The following ATXN1 variants were observed in gnomAD, a reference collection of about 807,000 sequenced individuals.
ATXN1 encodes ataxin-1.
ATXN1 carries 8 observed loss-of-function variants against 56.4 expected under a neutral mutation model. The ratio of observed to expected loss-of-function variants is 0.14; its 90% CI spans 0.08 to 0.26. The LOEUF is 0.26. ATXN1 is among the 10% of genes least tolerant of loss of function. The pLI is 1.00. For synonymous variants in ATXN1, 514 were observed against 494.6 expected, an observed-to-expected ratio of 1.04 and a Z score of -0.52; for missense variants, 987 against 1,106.5, an observed-to-expected ratio of 0.89 and a Z score of 1.53.
chr6:16,444,557 G>C (rs1383243089), intron 6 of ATXN1, among the ~76,000 whole-genome samples: 1 of 152,150 alleles, frequency 6.6e-6, no homozygotes, highest in Non-Finnish European at 1.5e-5. Flanking sequence ...AAAACACAGT[G>C]ACTTGGTTTG....
At chr6:16,716,510 T>C (rs1355764290) in intron 2 of ATXN1, among the ~76,000 whole-genome samples, 1 of 152,200 alleles carries the variant, frequency 6.6e-6, no homozygotes, top group African/African-American at 2.4e-5. Context: ...CAAGTCACAT[T>C]CCCTCTCTGA....
chr6:16,617,462 C>T (rs2113797167), intron 3 of ATXN1, among the ~76,000 whole-genome samples: 1 of 151,690 alleles, frequency 6.6e-6, no homozygotes, highest in East Asian at 1.9e-4. Context: ...ATATTAAAAT[C>T]TTCTAAACTC....
chr6:16,381,019 C>T (rs149994525), intron 6 of ATXN1, among the ~76,000 whole-genome samples: 2 of 152,186 alleles, frequency 1.3e-5, no homozygotes, highest in Non-Finnish European at 2.9e-5. Flanking sequence ...GGGCTGGGCG[C>T]GGTGGCTCAC....
At chr6:16,526,714 G>C (rs985917065) in intron 4 of ATXN1, among the ~76,000 whole-genome samples, 1 of 146,458 alleles carries the variant, frequency 6.8e-6, no homozygotes, top group Non-Finnish European at 1.5e-5. Flanking sequence ...GCAGTGAGTC[G>C]AGAATGCACC....
rs1456631594 is a variant in ATXN1, at chr6:16,327,353, C to A, written c.958G>T (p.Ala320Ser). 6.2e-7 allele frequency: 1 copy of A among 1,613,468 alleles called. No homozygotes were observed. Among genetic ancestry groups the A allele is most frequent in the Admixed American group, 1.7e-5 (1 of 60,032 alleles). The change falls in exon 7 of 8, where the codon GCC (alanine) becomes TCC (serine). Residue 320 changes from alanine (A) to serine (S), a missense_variant. Physicochemically the swap from Ala to Ser is moderately conservative, Grantham distance 99 (BLOSUM62 1). Transcript: ENST00000436367. Reference sequence around the variant, plus strand: ...ATCTCACCGTTCAGGACCTCCTTGGCCTGGATGGCCTGCTGCAGCCGGCTG... The same window carrying A: ...ATCTCACCGTTCAGGACCTCCTTGGACTGGATGGCCTGCTGCAGCCGGCTG... ...ESSRLQQAIQAKEVLNGEMEK... is the reference protein window; with the variant it reads ...ESSRLQQAIQSKEVLNGEMEK...
chr6:16,428,320 T>C (rs1338747911), intron 6 of ATXN1, among the ~76,000 whole-genome samples: 3 of 151,944 alleles, frequency 2.0e-5, no homozygotes, highest in Admixed American at 6.6e-5. Flanking sequence ...GGTTTCACCA[T>C]GTTGGCCAGG....
At position 16,522,650 on chromosome 6, in the gene ATXN1, TC is replaced by T. The variant is rs1761315878; in HGVS notation, c.-323del. On this transcript the variant is annotated 5_prime_UTR_variant, in exon 5 of 8. It removes the in-frame stop codon of an upstream open reading frame in the 5' UTR. Transcript: ENST00000436367. ...ACCCTATGAAAACAGCACGTCGATT[TC>T]TTTCTCACGAAGAAAATGGTCTAAT... 1 of 152,178 alleles carries T rather than the reference TC, an allele frequency of 6.6e-6. No homozygotes were observed. The highest frequency in any genetic ancestry group is 1.5e-5 in the Non-Finnish European group (1 of 68,020). 9.4% of individuals were successfully genotyped at this position (152,178 alleles called of 1,614,324 possible).
chr6:16,362,660 A>G (rs926511523), intron 6 of ATXN1, among the ~76,000 whole-genome samples: 62 of 152,182 alleles, frequency 4.1e-4, no homozygotes, highest in Non-Finnish European at 5.3e-4. Context: ...ACACTTTCGG[A>G]GCCTGTAAGT....
chr6:16,605,470 C>G (rs1382309029), intron 3 of ATXN1, among the ~76,000 whole-genome samples: 1 of 152,162 alleles, frequency 6.6e-6, no homozygotes, highest in African/African-American at 2.4e-5. Context: ...TTCTTAAGAT[C>G]CTCTGCACTT....
chr6:16,375,575 A>G (rs527608518), intron 6 of ATXN1, among the ~76,000 whole-genome samples: 4 of 152,252 alleles, frequency 2.6e-5, no homozygotes, highest in Non-Finnish European at 5.9e-5. Flanking sequence ...CCTTTATTAA[A>G]TTTTGGAACA....
In ATXN1 at chr6:16,686,453, C is replaced by T. The variant is rs188871798; in HGVS notation, c.-614-28552G>A. Among the ~76,000 whole-genome samples the T allele has an allele frequency of 1.1e-4, 17 of 152,152 alleles. No individual in the cohort carries two copies. In the South Asian group the frequency reaches 2.7e-3, roughly 24 times the overall value. ...TATTCCACGAGACAGCCAGGCTTCCCGTTGTGTAATTATTCACCTCATAGT... is the reference window on the plus strand; with the variant it reads ...TATTCCACGAGACAGCCAGGCTTCCTGTTGTGTAATTATTCACCTCATAGT... On this transcript the variant is annotated intron_variant, in intron 2 of 7. Coordinates refer to ENST00000436367, the MANE Select transcript of ATXN1 (RefSeq NM_001128164.2).
chr6:16,699,202 T>C (rs1376758758), intron 2 of ATXN1, among the ~76,000 whole-genome samples: 1 of 152,152 alleles, frequency 6.6e-6, no homozygotes, highest in Non-Finnish European at 1.5e-5. Flanking sequence ...TAAACTGCAT[T>C]TCAAAACCTA....
chr6:16,676,540 T>C (rs1164079116), intron 2 of ATXN1, among the ~76,000 whole-genome samples: 1 of 152,170 alleles, frequency 6.6e-6, no homozygotes, highest in African/African-American at 2.4e-5. Context: ...AGGATACACA[T>C]GAGTAAAATA....
chr6:16,438,114 C>T (rs960355101), intron 6 of ATXN1, among the ~76,000 whole-genome samples: 1 of 152,218 alleles, frequency 6.6e-6, no homozygotes, highest in African/African-American at 2.4e-5. Flanking sequence ...GTTCACTTTC[C>T]TATGAGAAAG....
intron 2 of ATXN1, among the ~76,000 whole-genome samples, chr6:16,687,695 C>G (rs1561808663): frequency 1.4e-5 from 2 of 147,764 alleles, no homozygotes; most frequent in Admixed American, 1.4e-4. Flanking sequence ...CACACACACA[C>G]GGAGGATACA....
intron 4 of ATXN1, among the ~76,000 whole-genome samples, chr6:16,573,479 T>C (rs1311469779): frequency 2.0e-5 from 3 of 149,644 alleles, no homozygotes; most frequent in African/African-American, 7.7e-5. Context: ...CTTTAATTCC[T>C]GACTCGCCTG....
intron 2 of ATXN1, among the ~76,000 whole-genome samples, chr6:16,720,501 T>G (rs1759724963): frequency 6.6e-6 from 1 of 152,176 alleles, no homozygotes; most frequent in South Asian, 2.1e-4. Context: ...AATAAATTAT[T>G]TTTCTGTGCT....
intron 3 of ATXN1, among the ~76,000 whole-genome samples, chr6:16,653,367 C>T (rs1268064565): frequency 6.6e-6 from 1 of 152,202 alleles, no homozygotes; most frequent in Non-Finnish European, 1.5e-5. Flanking sequence ...CTTTGATGTG[C>T]GTCCACTAGA....
intron 6 of ATXN1, among the ~76,000 whole-genome samples, chr6:16,394,350 A>G (rs1246038081): frequency 6.6e-6 from 1 of 152,228 alleles, no homozygotes; most frequent in African/African-American, 2.4e-5. Flanking sequence ...AGAAAAATAA[A>G]TAAATAAATC....
Sources: gnomAD v4.1 joint callset for allele counts (sites outside exome capture counted in the v4.1 genomes callset) on GRCh38, gnomAD v4.1.1 for gene constraint, MANE v1.5 for transcripts, NCBI Gene and HGNC (gene_info 2026-07-23, HGNC 2026-07-21) for gene names.